TAFA5: variants seen among roughly 807,000 people sequenced by gnomAD.
TAFA5 encodes TAFA chemokine like family member 5.
A neutral mutation model predicts 15.3 loss-of-function variants in TAFA5; 6 were observed. The ratio of observed to expected loss-of-function variants is 0.39; its 90% CI spans 0.21 to 0.77. The LOEUF (loss-of-function observed/expected upper bound fraction) is 0.77, where lower values mean the gene tolerates loss of function less well. TAFA5 is among the 30% of genes least tolerant of loss of function. The pLI is 0.41. For synonymous variants in TAFA5, 103 were observed against 80.7 expected (o/e 1.28, Z -1.48); for missense variants, 161 against 193.1 (o/e 0.83, Z 0.98).
intron 1 of TAFA5, among the ~76,000 whole-genome samples, chr22:48,506,800 G>A (rs1267812064): frequency 6.6e-6 from 1 of 152,336 alleles, no homozygotes; most frequent in Admixed American, 6.5e-5. Flanking sequence ...CCAGGATGGT[G>A]CAGGAGGCCT....
intron 2 of TAFA5, among the ~76,000 whole-genome samples, chr22:48,674,587 T>C (rs1406593831): frequency 6.6e-6 from 1 of 152,118 alleles, no homozygotes; most frequent in African/African-American, 2.4e-5. Context: ...GGCTGATCCA[T>C]GTTAGTGCAG....
chr22:48,690,502 T>G (rs1170946770), intron 2 of TAFA5, among the ~76,000 whole-genome samples: 1 of 152,084 alleles, frequency 6.6e-6, no homozygotes, highest in East Asian at 1.9e-4. Flanking sequence ...GTGCTGGCCC[T>G]CCCACAGGCT....
chr22:48,700,484 C>G (rs1449288352), intron 2 of TAFA5, among the ~76,000 whole-genome samples: 1 of 152,308 alleles, frequency 6.6e-6, no homozygotes, highest in Non-Finnish European at 1.5e-5. Flanking sequence ...TCCAGCAGCC[C>G]TTTGACCAAA....
intron 1 of TAFA5, among the ~76,000 whole-genome samples, chr22:48,615,665 C>T (rs28525201): frequency 0.026 from 3,935 of 152,330 alleles, 72 homozygotes; most frequent in Non-Finnish European, 0.041. Flanking sequence ...ACTCTCTAGA[C>T]TGTTCCTGGG....
intron 2 of TAFA5, among the ~76,000 whole-genome samples, chr22:48,675,243 C>T (rs1428087357): frequency 6.6e-6 from 1 of 152,224 alleles, no homozygotes; most frequent in African/African-American, 2.4e-5. Context: ...CAATGACCTG[C>T]CATCAGAGTT....
At chr22:48,600,173 G>T (rs1012463378) in intron 1 of TAFA5, among the ~76,000 whole-genome samples, 11 of 152,200 alleles carry the variant, frequency 7.2e-5, no homozygotes, top group Non-Finnish European at 1.3e-4. Context: ...GATCTCCCCT[G>T]TGTCAGTGAT....
At chr22:48,600,366 A>C (rs916252942) in intron 1 of TAFA5, among the ~76,000 whole-genome samples, 2 of 152,182 alleles carry the variant, frequency 1.3e-5, no homozygotes, top group African/African-American at 4.8e-5. Flanking sequence ...CTACTTGCGC[A>C]GGTCCAGCGG....
chr22:48,634,108 G>A (rs890837930), intron 1 of TAFA5, among the ~76,000 whole-genome samples: 3 of 115,942 alleles, frequency 2.6e-5, no homozygotes, highest in Admixed American at 9.5e-5. Context: ...TTTCCTTGAC[G>A]TTCACTCACT....
At chr22:48,506,183 C>G (rs1029580473) in intron 1 of TAFA5, among the ~76,000 whole-genome samples, 3 of 152,182 alleles carry the variant, frequency 2.0e-5, no homozygotes, top group African/African-American at 7.2e-5. Flanking sequence ...CCTGCAGCCC[C>G]GCACTTGTTC....
At chr22:48,686,669 A>G (rs1928363410) in intron 2 of TAFA5, among the ~76,000 whole-genome samples, 1 of 151,262 alleles carries the variant, frequency 6.6e-6, no homozygotes, top group Non-Finnish European at 1.5e-5. Context: ...GATGGTGGGT[A>G]GATGAATGGA....
chr22:48,736,593 C>T (rs533682225), intron 3 of TAFA5, among the ~76,000 whole-genome samples: 5 of 152,342 alleles, frequency 3.3e-5, no homozygotes, highest in African/African-American at 7.2e-5. Context: ...CCCAAGTGTC[C>T]GTCAGCGGTC....
intron 1 of TAFA5, among the ~76,000 whole-genome samples, chr22:48,509,205 G>A (rs373382708): frequency 1.5e-3 from 226 of 152,246 alleles, no homozygotes; most frequent in African/African-American, 5.1e-3. Flanking sequence ...CTATCCAGGC[G>A]CCTGCTGATG....
intron 1 of TAFA5, among the ~76,000 whole-genome samples, chr22:48,511,013 A>G (rs1444288666): frequency 1.3e-5 from 2 of 152,168 alleles, no homozygotes; most frequent in Non-Finnish European, 2.9e-5. Flanking sequence ...CCACATGGAT[A>G]TTGCTGTCAT....
At chr22:48,700,691 G>T (rs1166257240) in intron 2 of TAFA5, among the ~76,000 whole-genome samples, 1 of 152,180 alleles carries the variant, frequency 6.6e-6, no homozygotes, top group African/African-American at 2.4e-5. Context: ...CAGGGGCAGG[G>T]CTCGTCCTGT....
In TAFA5 at chr22:48,750,233, A is replaced by G. The variant is rs574579721; in HGVS notation, c.*386A>G. ...CCGCCTGAGACACGACGCCTGCCCC[A>G]GGGGACTGTCAGGCACAGAAGCGGC... On this transcript the variant is annotated 3_prime_UTR_variant, in exon 4 of 4. Coordinates refer to ENST00000402357, the MANE Select transcript of TAFA5 (RefSeq NM_001082967.3). 525 of 317,956 alleles carry G rather than the reference A, an allele frequency of 1.7e-3. 2 individuals carry two copies. Among genetic ancestry groups the G allele is most frequent in the African/African-American group, 0.011 (495 of 46,426 alleles). The allele number at this position is 317,956 out of a possible 1,614,324, so 19.7% of individuals were successfully genotyped here.
intron 1 of TAFA5, among the ~76,000 whole-genome samples, chr22:48,629,826 G>C (rs1313021154): frequency 6.6e-6 from 1 of 152,252 alleles, no homozygotes; most frequent in African/African-American, 2.4e-5. Flanking sequence ...GGAAACCCTG[G>C]ATCACAGCCC....
chr22:48,584,483 CACACCACACACAAAAT>C (rs1157216041), intron 1 of TAFA5, among the ~76,000 whole-genome samples: 1 of 147,594 alleles, frequency 6.8e-6, no homozygotes, highest in East Asian at 2.0e-4. Flanking sequence ...ACTACACATT[CACACCACACACAAAAT>C]ACACCACACA....
intron 1 of TAFA5, among the ~76,000 whole-genome samples, chr22:48,591,394 C>T (rs532710610): frequency 6.6e-6 from 1 of 152,368 alleles, no homozygotes; most frequent in Non-Finnish European, 1.5e-5. Context: ...CCTCTGGGTC[C>T]TGCCCGCTCT....
intron 2 of TAFA5, among the ~76,000 whole-genome samples, chr22:48,707,330 C>A (rs1601687734): frequency 6.6e-6 from 1 of 152,270 alleles, no homozygotes; most frequent in Non-Finnish European, 1.5e-5. Flanking sequence ...CTCGCTGTAT[C>A]TGAGGATGTC....
Sources: gnomAD v4.1 joint callset for allele counts (sites outside exome capture counted in the v4.1 genomes callset) on GRCh38, gnomAD v4.1.1 for gene constraint, MANE v1.5 for transcripts, NCBI Gene and HGNC (gene_info 2026-07-23, HGNC 2026-07-21) for gene names.